The following FAM133B variants were observed in gnomAD, a reference collection of about 807,000 sequenced individuals.
FAM133B encodes the protein family with sequence similarity 133 member B, also known as protein FAM133B.
Under a neutral mutation model 46.4 loss-of-function variants are expected in FAM133B, and 25 were observed. The observed-to-expected ratio is 0.54, with a 90% CI of 0.39 to 0.75. The LOEUF (loss-of-function observed/expected upper bound fraction) is 0.75. Ranked by LOEUF, FAM133B falls within the 30% of genes least tolerant of loss-of-function variation. The probability of loss-of-function intolerance (pLI) is 0.00; values close to 1 mark genes in which losing one functional copy is unlikely to be tolerated. For synonymous variants in FAM133B, 75 were observed against 86.0 expected, an observed-to-expected ratio of 0.87 and a Z score of 0.71; for missense variants, 205 against 277.6, an observed-to-expected ratio of 0.74 and a Z score of 1.86.
intron 8 of FAM133B, 25 bp from the exon 9 acceptor site, chr7:92,569,940 T>TCTG: frequency 9.0e-7 from 1 of 1,106,904 alleles, no homozygotes; most frequent in Non-Finnish European, 1.2e-6. Flanking sequence ...TACATTTATC[T>TCTG]TGACTCAGAC....
At chr7:92,562,761 C>T (rs1434515845) in intron 10 of FAM133B, among the ~76,000 whole-genome samples, 1 of 152,092 alleles carries the variant, frequency 6.6e-6, no homozygotes, top group East Asian at 1.9e-4. Flanking sequence ...AGTTTTCAGA[C>T]AGAACAGAGA....
chr7:92,588,410 C>T (rs2116430682), intron 1 of FAM133B, among the ~76,000 whole-genome samples: 1 of 152,284 alleles, frequency 6.6e-6, no homozygotes, highest in Middle Eastern at 3.4e-3. Context: ...CCAAAATACT[C>T]AAACACCTAA....
chr7:92,580,256 A>C (rs1294045170), intron 2 of FAM133B, among the ~76,000 whole-genome samples: 4 of 151,444 alleles, frequency 2.6e-5, no homozygotes, highest in East Asian at 1.9e-4. Flanking sequence ...AAAAAAAAAA[A>C]AAACACATAA....
chr7:92,579,226 G>A (rs1207168872), intron 3 of FAM133B, 91 bp downstream of exon 3: 6 of 1,115,464 alleles, frequency 5.4e-6, no homozygotes, highest in African/African-American at 3.2e-5. Flanking sequence ...CTGGCCTCCC[G>A]TTTCGGCCTC....
At chr7:92,563,932 T>C (rs115686999) in intron 10 of FAM133B, among the ~76,000 whole-genome samples, 1,945 of 152,308 alleles carry the variant, frequency 0.013, 46 homozygotes, top group African/African-American at 0.045. Flanking sequence ...ACATCATTCC[T>C]CACTTGTGCC....
intron 8 of FAM133B, among the ~76,000 whole-genome samples, chr7:92,574,056 GTTATGTAAA>G (rs1303479453): frequency 6.6e-6 from 1 of 152,052 alleles, no homozygotes; most frequent in Non-Finnish European, 1.5e-5. Flanking sequence ...TTTGCAAATT[GTTATGTAAA>G]CCACTCCTAG....
At chr7:92,586,519 T>C (rs1739377561) in intron 1 of FAM133B, among the ~76,000 whole-genome samples, 1 of 152,212 alleles carries the variant, frequency 6.6e-6, no homozygotes, top group African/African-American at 2.4e-5. Context: ...TGCAATTTCT[T>C]GAAACATTTC....
intron 9 of FAM133B, among the ~76,000 whole-genome samples, chr7:92,568,524 A>ATTTTTTTTTTTTTTTTT (rs745580425): frequency 8.5e-6 from 1 of 118,226 alleles, no homozygotes; most frequent in African/African-American, 3.3e-5. Flanking sequence ...CGCCTGGCTA[A>ATTTTTTTTTTTTTTTTT]TTTTTTTTTT....
At chr7:92,582,804 T>A (rs1794928056) in intron 1 of FAM133B, among the ~76,000 whole-genome samples, 1 of 152,216 alleles carries the variant, frequency 6.6e-6, no homozygotes, top group Admixed American at 6.5e-5. Context: ...TCTATACCCA[T>A]TAGGATGGCT....
At chr7:92,581,417 T>G (rs1585312651) in intron 2 of FAM133B, 89 bp downstream of exon 2, 2 of 1,077,342 alleles carry the variant, frequency 1.9e-6, no homozygotes, top group East Asian at 2.6e-5. Flanking sequence ...GGCAATTGCT[T>G]GGTAATCAAT....
Position 92,586,030 on chromosome 7 carries a change from C to T in FAM133B, c.24+4238G>A, listed in dbSNP as rs145136914. Among the ~76,000 whole-genome samples the T allele has an allele frequency of 3.8e-3, 574 of 152,186 alleles. 7 individuals are homozygous for T. Among genetic ancestry groups the T allele is most frequent in the African/African-American group, 0.013 (553 of 41,530 alleles). ...TTATCTAGCATGTATCTTTAAAGTA[C>T]ATTAATATTTTTACATCTTACTGTG... On this transcript the variant is annotated intron_variant, in intron 1 of 10. Transcript: ENST00000445716.
chr7:92,576,158 G>T (rs1185883594), intron 7 of FAM133B, among the ~76,000 whole-genome samples: 1 of 152,130 alleles, frequency 6.6e-6, no homozygotes, highest in East Asian at 1.9e-4. Flanking sequence ...AATTTGAGGA[G>T]GCAACAATTT....
intron 1 of FAM133B, among the ~76,000 whole-genome samples, chr7:92,586,141 C>T (rs990623024): frequency 6.6e-6 from 1 of 152,118 alleles, no homozygotes; most frequent in African/African-American, 2.4e-5. Context: ...TATTCACATG[C>T]TAGGACTACG....
intron 2 of FAM133B, among the ~76,000 whole-genome samples, chr7:92,580,545 C>T (rs933434497): frequency 5.4e-4 from 82 of 152,360 alleles, no homozygotes; most frequent in South Asian, 2.7e-3. Context: ...GTGCCTCTCA[C>T]GTGATCCCAC....
intron 9 of FAM133B, 146 bp downstream of exon 9, chr7:92,569,677 C>A: frequency 2.5e-6 from 1 of 405,704 alleles, no homozygotes; most frequent in Non-Finnish European, 4.4e-6. Flanking sequence ...AAAACTCATT[C>A]TGAAATGAAA....
chr7:92,588,738 C>A (rs1051617660), intron 1 of FAM133B, among the ~76,000 whole-genome samples: 1 of 152,148 alleles, frequency 6.6e-6, no homozygotes, highest in Admixed American at 6.6e-5. Context: ...AATGGCTTAG[C>A]ATCCTCCTCT....
intron 8 of FAM133B, among the ~76,000 whole-genome samples, chr7:92,574,908 T>A (rs1404576720): frequency 1.5e-5 from 2 of 134,694 alleles, no homozygotes; most frequent in Non-Finnish European, 3.1e-5. Flanking sequence ...CGAGACTCCG[T>A]CTCAAAAAAA....
At chr7:92,576,096 T>A (rs866255343) in intron 7 of FAM133B, among the ~76,000 whole-genome samples, 1 of 152,240 alleles carries the variant, frequency 6.6e-6, no homozygotes, top group Non-Finnish European at 1.5e-5. Flanking sequence ...TAGGACTTCG[T>A]GTCATTGCCT....
At chr7:92,565,855 T>C in intron 10 of FAM133B, 159 bp downstream of exon 10, 1 of 674,810 alleles carries the variant, frequency 1.5e-6, no homozygotes, top group Non-Finnish European at 2.5e-6. Context: ...CCATTTTGAC[T>C]TTCTCCTACC....
Sources: gnomAD v4.1 joint callset for allele counts (sites outside exome capture counted in the v4.1 genomes callset) on GRCh38, gnomAD v4.1.1 for gene constraint, MANE v1.5 for transcripts, NCBI Gene and HGNC (gene_info 2026-07-23, HGNC 2026-07-21) for gene names.